Variants in CNTNAP5 observed in about 807,000 individuals in gnomAD.
CNTNAP5 encodes the protein contactin-associated protein-like 5.
CNTNAP5 carries 72 observed loss-of-function variants against 150.2 expected under a neutral mutation model. That is an observed-to-expected ratio of 0.48 (90% CI 0.40 to 0.58). The LOEUF (loss-of-function observed/expected upper bound fraction) is 0.58, where lower values mean the gene tolerates loss of function less well. Among genes scored for constraint, CNTNAP5 ranks in the 20% least tolerant of loss-of-function variants. The pLI is 0.00. For synonymous variants in CNTNAP5, 672 were observed against 619.8 expected (o/e 1.08, Z -1.25); for missense variants, 1,636 against 1,626.2 (o/e 1.01, Z -0.10).
At chr2:124,268,562 A>G (rs1351382248) in intron 3 of CNTNAP5, among the ~76,000 whole-genome samples, 1 of 152,230 alleles carries the variant, frequency 6.6e-6, no homozygotes, top group African/African-American at 2.4e-5. Context: ...TGATGCTACC[A>G]AACTTAAATA....
At chr2:124,229,996 G>T (rs1686574058) in intron 2 of CNTNAP5, among the ~76,000 whole-genome samples, 1 of 151,804 alleles carries the variant, frequency 6.6e-6, no homozygotes, top group African/African-American at 2.4e-5. Context: ...TGAGATGCTT[G>T]CCTGTGTAAG....
At chr2:124,125,784 G>T (rs1683680545) in intron 1 of CNTNAP5, among the ~76,000 whole-genome samples, 1 of 152,138 alleles carries the variant, frequency 6.6e-6, no homozygotes, top group African/African-American at 2.4e-5. Context: ...CAACTATATG[G>T]AAACTGAACA....
chr2:124,064,227 A>G (rs190050720), intron 1 of CNTNAP5, among the ~76,000 whole-genome samples: 2 of 152,312 alleles, frequency 1.3e-5, no homozygotes, highest in East Asian at 3.9e-4. Flanking sequence ...TTAGAGTAGA[A>G]AGAATATAAC....
chr2:124,564,554 C>T (rs1479170256), intron 11 of CNTNAP5, among the ~76,000 whole-genome samples: 1 of 152,054 alleles, frequency 6.6e-6, no homozygotes, highest in African/African-American at 2.4e-5. Flanking sequence ...TGGGGTTTCA[C>T]CGTGTTGGCC....
intron 13 of CNTNAP5, among the ~76,000 whole-genome samples, chr2:124,713,121 A>G (rs987961728): frequency 6.6e-6 from 1 of 151,886 alleles, no homozygotes; most frequent in Non-Finnish European, 1.5e-5. Context: ...TGGGACTGTA[A>G]CAATGTCTTC....
At chr2:124,301,321 C>T (rs978070179) in intron 3 of CNTNAP5, among the ~76,000 whole-genome samples, 3 of 152,162 alleles carry the variant, frequency 2.0e-5, no homozygotes, top group Non-Finnish European at 4.4e-5. Flanking sequence ...TCACAATTTG[C>T]GAACTAACAT....
intron 13 of CNTNAP5, among the ~76,000 whole-genome samples, chr2:124,654,499 T>A (rs946274476): frequency 6.6e-6 from 1 of 152,142 alleles, no homozygotes; most frequent in African/African-American, 2.4e-5. Context: ...GGGCTGTGTG[T>A]GGAAGGCTGT....
At chr2:124,684,462 G>T (rs1410254147) in intron 13 of CNTNAP5, among the ~76,000 whole-genome samples, 1 of 152,134 alleles carries the variant, frequency 6.6e-6, no homozygotes, top group African/African-American at 2.4e-5. Context: ...CTATACCAAA[G>T]CTCTGGGTAT....
chr2:124,457,582 G>T (rs1226949584), intron 6 of CNTNAP5, among the ~76,000 whole-genome samples: 1 of 152,112 alleles, frequency 6.6e-6, no homozygotes, highest in Non-Finnish European at 1.5e-5. Context: ...TACATGTATA[G>T]GATGTGCAGA....
At chr2:124,150,299 G>A (rs1416618564) in intron 1 of CNTNAP5, among the ~76,000 whole-genome samples, 1 of 152,194 alleles carries the variant, frequency 6.6e-6, no homozygotes, top group Non-Finnish European at 1.5e-5. Flanking sequence ...TGCCCAAGGT[G>A]TATATCCCAG....
intron 1 of CNTNAP5, among the ~76,000 whole-genome samples, chr2:124,129,062 A>T (rs750300894): frequency 1.3e-5 from 2 of 151,988 alleles, no homozygotes; most frequent in Non-Finnish European, 2.9e-5. Context: ...AAGTATAATA[A>T]AAATAAATAA....
intron 3 of CNTNAP5, among the ~76,000 whole-genome samples, chr2:124,263,835 AG>A (rs1257300096): frequency 1.3e-5 from 2 of 152,200 alleles, no homozygotes; most frequent in Non-Finnish European, 2.9e-5. Flanking sequence ...GTAAGGTGTA[AG>A]GAAGGGATCC....
chr2:124,539,111 A>T (rs921617707), intron 10 of CNTNAP5, among the ~76,000 whole-genome samples: 4 of 152,224 alleles, frequency 2.6e-5, no homozygotes, highest in African/African-American at 7.2e-5. Context: ...CAGTTGGAAG[A>T]GAGAAGGAGT....
intron 10 of CNTNAP5, among the ~76,000 whole-genome samples, chr2:124,539,700 A>C (rs1695333153): frequency 6.6e-6 from 1 of 152,220 alleles, no homozygotes; most frequent in Non-Finnish European, 1.5e-5. Context: ...TCTTAAAGTT[A>C]AAAGCGAGAG....
intron 11 of CNTNAP5, among the ~76,000 whole-genome samples, chr2:124,580,719 C>T (rs141572828): frequency 7.1e-4 from 108 of 152,324 alleles, no homozygotes; most frequent in African/African-American, 2.5e-3. Context: ...ATCCCCATCT[C>T]TCAATATCTG....
At chr2:124,435,678 A>G (rs1244947091) in intron 5 of CNTNAP5, among the ~76,000 whole-genome samples, 1 of 152,216 alleles carries the variant, frequency 6.6e-6, no homozygotes, top group Admixed American at 6.5e-5. Flanking sequence ...CCTAAGTTGC[A>G]TGGAAGACTG....
intron 19 of CNTNAP5, among the ~76,000 whole-genome samples, chr2:124,832,918 C>T (rs11887677): frequency 0.1 from 10,668 of 106,998 alleles, 1,085 homozygotes; most frequent in African/African-American, 0.36. Context: ...TTTTTCTTTT[C>T]CTTTTTTTTT....
At chr2:124,270,308 CA>C (rs367741201) in intron 3 of CNTNAP5, among the ~76,000 whole-genome samples, 241 of 139,994 alleles carry the variant, frequency 1.7e-3, no homozygotes, top group African/African-American at 4.3e-3. Context: ...GACTCCATCT[CA>C]AAAAAAAAAA....
chr2:124,376,648 T>A, intron 3 of CNTNAP5, among the ~76,000 whole-genome samples: 1 of 152,084 alleles, frequency 6.6e-6, no homozygotes, highest in East Asian at 1.9e-4. Context: ...GGTGGAAATT[T>A]GTGATTGAAT....
Sources: allele counts gnomAD v4.1 joint callset (sites outside exome capture counted in the v4.1 genomes callset), GRCh38; gene constraint gnomAD v4.1.1; transcripts MANE v1.5; gene names NCBI Gene and HGNC (gene_info 2026-07-23, HGNC 2026-07-21).